The following DMXL1 variants were observed in gnomAD, a reference collection of about 807,000 sequenced individuals.
DMXL1 encodes dmX-like protein 1.
In DMXL1, 99 loss-of-function variants were observed where a neutral mutation model predicts 319.2. The ratio of observed to expected loss-of-function variants is 0.31; its 90% CI spans 0.26 to 0.37. The LOEUF (loss-of-function observed/expected upper bound fraction) is 0.37, where lower values mean the gene tolerates loss of function less well. DMXL1 is among the 10% of genes least tolerant of loss of function. DMXL1 has a pLI of 1.00. For missense variants in DMXL1, 3,745 were observed against 3,595.6 expected (o/e 1.04, Z -1.06); for synonymous variants, 1,385 against 1,235.2 (o/e 1.12, Z -2.54).
intron 13 of DMXL1, among the ~76,000 whole-genome samples, chr5:119,142,405 C>T (rs1391810075): frequency 4.0e-5 from 6 of 151,184 alleles, no homozygotes; most frequent in East Asian, 1.9e-4. Context: ...AGAAGACATA[C>T]GTGTGGCAAC....
At chr5:119,145,914 A>T (rs1768414815) in intron 15 of DMXL1, among the ~76,000 whole-genome samples, 1 of 151,746 alleles carries the variant, frequency 6.6e-6, no homozygotes, top group African/African-American at 2.4e-5. Flanking sequence ...GTTGTTAGTG[A>T]AATTATCAAA....
Position 119,193,967 on chromosome 5 carries a change from A to G in DMXL1, c.7454A>G (p.Tyr2485Cys). 6.3e-7 allele frequency: 1 copy of G among 1,586,968 alleles called. No homozygotes were observed. Among genetic ancestry groups the G allele is most frequent in the African/African-American group, 1.3e-5 (1 of 74,340 alleles). ...CAGGAACATTCTAATTCAAATTCAT[A>G]TAGGTATGGTATATTTTATTTTAAA... ...HLQEHSNSNS[Y>C]SWSLMRLAMV... The change falls in exon 30 of 44, where the codon TAT becomes TGT. Residue 2485 changes from tyrosine to cysteine, a missense_variant. By Grantham distance (194) the Tyr-to-Cys change is radical. Around this residue, in one of 4 missense-constraint regions of DMXL1, gnomAD observed 1,382 missense variants for 1,269.5 expected, o/e 1.09. Transcript: ENST00000539542.
At chr5:119,211,263 A>C (rs976371492) in intron 34 of DMXL1, among the ~76,000 whole-genome samples, 2 of 151,736 alleles carry the variant, frequency 1.3e-5, no homozygotes, top group Non-Finnish European at 2.9e-5. Flanking sequence ...TTAGTGCTAG[A>C]CTCTTAGAAT....
Position 119,133,167 on chromosome 5 carries a change from C to T in DMXL1, c.1351C>T (p.Pro451Ser). ...DDGVDDLKINPEKKELGCDKM... is the reference protein window; with the variant it reads ...DDGVDDLKINSEKKELGCDKM... The stretch of plus-strand genomic sequence containing the variant: ...TGGTGTTGATGATCTGAAAATAAAT[C>T]CCGAAAAGAAGGAATTAGGCTGTGA... Residue 451 changes from proline (P) to serine (S), a missense_variant, in exon 11 of 44, where the codon CCC becomes TCC. Pro to Ser is a moderately conservative substitution (Grantham distance 74, BLOSUM62 -1). Transcript: ENST00000539542. 4 of 1,614,044 alleles carry T rather than the reference C, an allele frequency of 2.5e-6. No homozygotes were observed. Among genetic ancestry groups the T allele is most frequent in the Non-Finnish European group, 3.4e-6 (4 of 1,179,990 alleles).
intron 1 of DMXL1, among the ~76,000 whole-genome samples, chr5:119,084,114 TC>T (rs1431949731): frequency 2.0e-5 from 3 of 151,910 alleles, no homozygotes; most frequent in African/African-American, 7.2e-5. Flanking sequence ...GTTCATGTAT[TC>T]CCCCCCTCAC....
In DMXL1 at chr5:119,071,585, G is replaced by C. The variant is rs1371527627; in HGVS notation, c.16G>C (p.Val6Leu). MNLHQ[V>L]LTGAVNPGDH... ...GGGCGCCGACATGAACCTGCACCAG[G>C]TGCTGACCGGGGCTGTGAACCCTGG... Residue 6 changes from valine (V) to leucine (L), a missense_variant, in exon 1 of 44, where the codon GTG becomes CTG. This residue lies in a region of DMXL1 where 2,096 missense variants were observed against 1,985.4 expected (regional missense o/e 1.06). Coordinates refer to ENST00000539542, the MANE Select transcript of DMXL1 (RefSeq NM_001290321.3). 6.2e-7 allele frequency: 1 copy of C among 1,605,814 alleles called. No individual in the cohort carries two copies.
intron 26 of DMXL1, among the ~76,000 whole-genome samples, chr5:119,176,835 A>T (rs558085187): frequency 6.6e-6 from 1 of 152,204 alleles, no homozygotes; most frequent in East Asian, 1.9e-4. Context: ...CTGAATTCTC[A>T]AATTGTGTGA....
At chr5:119,179,643 T>C (rs1776448966) in intron 28 of DMXL1, among the ~76,000 whole-genome samples, 1 of 152,220 alleles carries the variant, frequency 6.6e-6, no homozygotes, top group Admixed American at 6.5e-5. Flanking sequence ...AAGTTATTAG[T>C]AGCAATGTTG....
At chr5:119,184,946 C>G (rs527664376) in intron 28 of DMXL1, among the ~76,000 whole-genome samples, 2 of 152,262 alleles carry the variant, frequency 1.3e-5, no homozygotes, top group East Asian at 3.8e-4. Flanking sequence ...GTAAGTACTA[C>G]TCTAGGGCAG....
chr5:119,120,622 T>G (rs1444674650), intron 8 of DMXL1, among the ~76,000 whole-genome samples: 2 of 152,224 alleles, frequency 1.3e-5, no homozygotes, highest in Non-Finnish European at 2.9e-5. Context: ...AGACAGTGTA[T>G]GTAGAGATAT....
At chr5:119,097,580 G>T (rs1275754875) in intron 1 of DMXL1, among the ~76,000 whole-genome samples, 1 of 152,166 alleles carries the variant, frequency 6.6e-6, no homozygotes, top group Non-Finnish European at 1.5e-5. Flanking sequence ...AGCCGGGCGT[G>T]GTGGTGGGCA....
In DMXL1 at chr5:119,149,292, T is replaced by C; in HGVS notation, c.3465T>C (p.Thr1155=). 1.2e-6 allele frequency: 2 copies of C among 1,613,970 alleles called. No homozygotes were observed. Among genetic ancestry groups the C allele is most frequent in the East Asian group, 2.2e-5 (1 of 44,876 alleles). Reference sequence around the variant, plus strand: ...GAGAAGACGGTTCTCATATCCTGACTGTAGGAATTGGATCAAAACTTTTTA... The same window carrying C: ...GAGAAGACGGTTCTCATATCCTGACCGTAGGAATTGGATCAAAACTTTTTA... The part of the protein sequence containing the change: ...MSREDGSHIL[T]VGIGSKLFMY... Residue 1155 remains threonine (T), a synonymous_variant, in exon 18 of 44, where the codon ACT becomes ACC. Transcript: ENST00000539542.
At chr5:119,144,923 C>T (rs997960034) in intron 15 of DMXL1, among the ~76,000 whole-genome samples, 5 of 151,672 alleles carry the variant, frequency 3.3e-5, no homozygotes, top group African/African-American at 1.2e-4. Flanking sequence ...GGGTCCTACC[C>T]ATCCATTTGG....
At chr5:119,166,180 A>T (rs187705375) in intron 21 of DMXL1, among the ~76,000 whole-genome samples, 26 of 152,326 alleles carry the variant, frequency 1.7e-4, no homozygotes, top group African/African-American at 6.3e-4. Context: ...CTTTGGGGGA[A>T]AAATCACGAT....
At chr5:119,155,166 C>T (rs1030572916) in intron 19 of DMXL1, among the ~76,000 whole-genome samples, 1 of 152,216 alleles carries the variant, frequency 6.6e-6, no homozygotes, top group Non-Finnish European at 1.5e-5. Flanking sequence ...TGCCTGCTAA[C>T]ACAACATTCA....
At chr5:119,165,085 T>G (rs1469896016) in intron 20 of DMXL1, 98 bp from the exon 21 acceptor site, 1 of 699,088 alleles carries the variant, frequency 1.4e-6, no homozygotes, top group Non-Finnish European at 2.4e-6. Flanking sequence ...TAAAATTTTA[T>G]TAAACATTCA....
chr5:119,109,673 C>T (rs927256160), intron 4 of DMXL1, among the ~76,000 whole-genome samples: 1 of 152,184 alleles, frequency 6.6e-6, no homozygotes, highest in Non-Finnish European at 1.5e-5. Flanking sequence ...AAATGCCTGT[C>T]TCTTCTGCTT....
chr5:119,117,176 G>T (rs989955299), intron 7 of DMXL1, among the ~76,000 whole-genome samples: 2 of 152,094 alleles, frequency 1.3e-5, no homozygotes, highest in African/African-American at 4.8e-5. Flanking sequence ...CTACAGGTGT[G>T]TGCCACCATG....
At chr5:119,179,088 A>G (rs1003637355) in intron 28 of DMXL1, among the ~76,000 whole-genome samples, 1 of 152,138 alleles carries the variant, frequency 6.6e-6, no homozygotes, top group South Asian at 2.1e-4. Flanking sequence ...AGTGTTCATA[A>G]TACCATGAAA....
Sources: allele counts gnomAD v4.1 joint callset (sites outside exome capture counted in the v4.1 genomes callset), GRCh38; gene constraint gnomAD v4.1.1; regional missense constraint gnomAD v4.1.1; transcripts MANE v1.5; gene names NCBI Gene and HGNC (gene_info 2026-07-23, HGNC 2026-07-21).